The following SNX29 variants were observed in gnomAD, a reference collection of about 807,000 sequenced individuals.
The protein encoded by SNX29 is sorting nexin 29.
A neutral mutation model predicts 102.1 loss-of-function variants in SNX29; 78 were observed. The observed-to-expected ratio is 0.76, with a 90% CI of 0.64 to 0.92. SNX29 has a LOEUF of 0.92. Ranked by LOEUF, SNX29 falls within the 40% of genes least tolerant of loss-of-function variation. The pLI is 0.00. For synonymous variants in SNX29, 580 were observed against 414.5 expected (o/e 1.40, Z -4.85); for missense variants, 1,280 against 1,061.7 (o/e 1.21, Z -2.86).
chr16:12,017,898 GC>G (rs1395512694), intron 3 of SNX29, among the ~76,000 whole-genome samples: 2 of 151,842 alleles, frequency 1.3e-5, no homozygotes, highest in Admixed American at 1.3e-4. Context: ...GGGTGGGGGG[GC>G]TTTCTTTTGT....
intron 16 of SNX29, among the ~76,000 whole-genome samples, chr16:12,380,619 TCC>T (rs2083057656): frequency 1.8e-5 from 1 of 56,900 alleles, no homozygotes; most frequent in Non-Finnish European, 3.5e-5. Context: ...CATCCATCCA[TCC>T]ACCCACCCAC....
intron 14 of SNX29, among the ~76,000 whole-genome samples, chr16:12,239,696 T>C (rs2078043132): frequency 7.1e-6 from 1 of 140,578 alleles, no homozygotes; most frequent in Non-Finnish European, 1.5e-5. Context: ...ATGTGCACAA[T>C]GTGGTCCCAG....
intron 15 of SNX29, among the ~76,000 whole-genome samples, chr16:12,336,888 G>T (rs2081468027): frequency 6.6e-6 from 1 of 152,224 alleles, no homozygotes; most frequent in Non-Finnish European, 1.5e-5. Flanking sequence ...TGTGGCTGCA[G>T]TGAGCTATGA....
rs114887584 is a variant in SNX29, at chr16:12,311,514, A to T, written c.1782+33478A>T. The stretch of plus-strand genomic sequence containing the variant: ...GGCCGCCTCCCATTTCCTCCAGGAG[A>T]TGCAGGGCGGTTGAGCTTGCAGCTC... On this transcript the variant is annotated intron_variant, in intron 15 of 20. Transcript: ENST00000566228. Among the ~76,000 whole-genome samples, 3 of 152,230 alleles carry T rather than the reference A, an allele frequency of 2.0e-5. No individual in the cohort carries two copies. The East Asian group carries it at 5.8e-4, about 29-fold the overall frequency.
At chr16:12,546,689 G>A (rs190512142) in intron 20 of SNX29, 1 of 152,172 alleles carries the variant, frequency 6.6e-6, no homozygotes, top group Non-Finnish European at 1.5e-5. Flanking sequence ...AATCCATCTA[G>A]ACCCACTGTG....
At chr16:12,307,645 G>A (rs1048451872) in intron 15 of SNX29, among the ~76,000 whole-genome samples, 1 of 152,246 alleles carries the variant, frequency 6.6e-6, no homozygotes, top group African/African-American at 2.4e-5. Context: ...AGGCTACACA[G>A]GGTCATGAAT....
intron 18 of SNX29, among the ~76,000 whole-genome samples, chr16:12,447,726 G>A (rs1030824729): frequency 1.4e-4 from 22 of 152,210 alleles, no homozygotes; most frequent in Admixed American, 8.5e-4. Context: ...CAGCTCGTGT[G>A]TTATTTTTCA....
chr16:12,411,619 A>G (rs1262541898), intron 18 of SNX29, among the ~76,000 whole-genome samples: 1 of 152,206 alleles, frequency 6.6e-6, no homozygotes, highest in Non-Finnish European at 1.5e-5. Context: ...AGGTTCTGCT[A>G]TATGCCCAGC....
intron 3 of SNX29, among the ~76,000 whole-genome samples, chr16:12,018,970 T>TA (rs2056934122): frequency 3.3e-5 from 5 of 151,998 alleles, no homozygotes; most frequent in Admixed American, 2.6e-4. Flanking sequence ...TGTTTTTTTT[T>TA]ATTTAATATT....
intron 19 of SNX29, among the ~76,000 whole-genome samples, chr16:12,489,691 A>T (rs1258520862): frequency 1.3e-5 from 2 of 152,092 alleles, no homozygotes; most frequent in Non-Finnish European, 2.9e-5. Context: ...CACTCATTTG[A>T]TTTCTTTTCT....
At chr16:12,327,583 C>A (rs769572885) in intron 15 of SNX29, among the ~76,000 whole-genome samples, 3 of 152,044 alleles carry the variant, frequency 2.0e-5, no homozygotes, top group East Asian at 3.9e-4. Context: ...CCTCATTTAC[C>A]CTTAGTTACC....
chr16:12,463,118 C>A (rs1015943892), intron 18 of SNX29, among the ~76,000 whole-genome samples: 4 of 152,166 alleles, frequency 2.6e-5, no homozygotes, highest in Admixed American at 1.3e-4. Context: ...TATTAGGACG[C>A]CAGGCTCCTG....
In SNX29 at chr16:12,570,124, C is replaced by T. The variant is rs989477296; in HGVS notation, c.*1495C>T. ...TAGCAAAAAGGAAGATTGTTCATGGCCTTTAAGGAAGGCTGAGATCACTCA... is the reference window on the plus strand; with the variant it reads ...TAGCAAAAAGGAAGATTGTTCATGGTCTTTAAGGAAGGCTGAGATCACTCA... On this transcript the variant is annotated 3_prime_UTR_variant, in exon 21 of 21. Coordinates refer to ENST00000566228, the MANE Select transcript of SNX29 (RefSeq NM_032167.5). 5.8e-6 allele frequency: 6 copies of T among 1,038,350 alleles called. No individual in the cohort carries two copies. The highest frequency in any genetic ancestry group is 4.7e-5 in the South Asian group (1 of 21,480). The allele number at this position is 1,038,350 out of a possible 1,614,324, so 64.3% of individuals were successfully genotyped here.
At chr16:12,342,336 T>A (rs117980707) in intron 15 of SNX29, among the ~76,000 whole-genome samples, 1 of 152,312 alleles carries the variant, frequency 6.6e-6, no homozygotes, top group East Asian at 1.9e-4. Flanking sequence ...ATCTTCAGTG[T>A]CCCATGGAGA....
chr16:12,437,157 G>A (rs1056642322), intron 18 of SNX29, among the ~76,000 whole-genome samples: 8 of 152,358 alleles, frequency 5.3e-5, no homozygotes, highest in Admixed American at 3.3e-4. Context: ...CTGAAATCCT[G>A]TAATTTTTCA....
intron 13 of SNX29, among the ~76,000 whole-genome samples, chr16:12,196,339 T>C (rs1025633966): frequency 4.6e-5 from 7 of 152,138 alleles, no homozygotes; most frequent in African/African-American, 1.7e-4. Flanking sequence ...GGTTACTGTG[T>C]AGATAAAATG....
chr16:12,501,640 T>G (rs1023467769), intron 19 of SNX29, among the ~76,000 whole-genome samples: 3 of 144,228 alleles, frequency 2.1e-5, no homozygotes, highest in African/African-American at 7.8e-5. Flanking sequence ...GAGAATCACT[T>G]GAACCCGAGA....
chr16:12,496,712 T>G (rs1381435352), intron 19 of SNX29, among the ~76,000 whole-genome samples: 2 of 152,046 alleles, frequency 1.3e-5, no homozygotes, highest in African/African-American at 4.8e-5. Context: ...GGTTTCACCA[T>G]GTTGGCCAGG....
chr16:12,126,128 A>C (rs997562365), intron 11 of SNX29, among the ~76,000 whole-genome samples: 5 of 152,202 alleles, frequency 3.3e-5, no homozygotes, highest in African/African-American at 1.2e-4. Context: ...CTAACTCTTG[A>C]AAATATGCCC....
Sources: gnomAD v4.1 joint callset for allele counts (sites outside exome capture counted in the v4.1 genomes callset) on GRCh38, gnomAD v4.1.1 for gene constraint, MANE v1.5 for transcripts, NCBI Gene and HGNC (gene_info 2026-07-23, HGNC 2026-07-21) for gene names.